The following RFX7 variants were observed in gnomAD, a reference collection of about 807,000 sequenced individuals.
The protein encoded by RFX7 is DNA-binding protein RFX7.
A neutral mutation model predicts 111.8 loss-of-function variants in RFX7; 26 were observed. The observed-to-expected ratio is 0.23, with a 90% CI of 0.17 to 0.32. The LOEUF (loss-of-function observed/expected upper bound fraction) is 0.32, where lower values mean the gene tolerates loss of function less well. Ranked by LOEUF, RFX7 falls within the 10% of genes least tolerant of loss-of-function variation. The pLI is 1.00. For missense variants in RFX7, 1,573 were observed against 1,772.9 expected, an observed-to-expected ratio of 0.89 and a Z score of 2.02; for synonymous variants, 624 against 624.4, an observed-to-expected ratio of 1.00 and a Z score of 0.01.
intron 2 of RFX7, among the ~76,000 whole-genome samples, chr15:56,213,908 C>G (rs1314663619): frequency 6.6e-6 from 1 of 152,136 alleles, no homozygotes; most frequent in Admixed American, 6.5e-5. Flanking sequence ...CTTTTACAAT[C>G]TTTGTCACCT....
chr15:56,209,625 A>G (rs1213286934), intron 2 of RFX7, among the ~76,000 whole-genome samples: 1 of 152,062 alleles, frequency 6.6e-6, no homozygotes, highest in Non-Finnish European at 1.5e-5. Context: ...ACAGACACAT[A>G]TGCTTCTATA....
chr15:56,093,913 T>C lies in RFX7; in HGVS notation c.3815A>G (p.Asn1272Ser). The change falls in exon 10 of 10, where the codon AAC (asparagine) becomes AGC (serine). Residue 1272 changes from asparagine to serine, a missense_variant. Physicochemically the swap from Asn to Ser is conservative, Grantham distance 46. This residue lies in a region of RFX7 where 411 missense variants were observed against 478.1 expected (regional missense o/e 0.86). Coordinates refer to ENST00000559447, the MANE Select transcript of RFX7 (RefSeq NM_022841.7). ...CCGGGCTGTATAATTAGAGGGCAGG[T>C]TGTTCATTCCCAAACCTCTCACTGC... ...DDAVRGLGMN[N>S]LPSNYTARMN... 1 of 1,613,946 alleles carries C rather than the reference T, an allele frequency of 6.2e-7. No homozygotes were observed. Among genetic ancestry groups the C allele is most frequent in the Non-Finnish European group, 8.5e-7 (1 of 1,179,848 alleles).
rs904900761 is a variant in RFX7 at position 56,090,154 on chromosome 15, T to C, written c.*3191A>G. 1.3e-5 allele frequency: 2 copies of C among 152,226 alleles called. No individual in the cohort carries two copies. The highest frequency in any genetic ancestry group is 2.4e-5 in the African/African-American group (1 of 41,464). 9.4% of individuals were successfully genotyped at this position (152,226 alleles called of 1,614,324 possible). ...GTACCTGGAAATGTCTATACTGCTT[T>C]TGAACACAGCTATGCTTAAAATTTT... On this transcript the variant is annotated 3_prime_UTR_variant, in exon 10 of 10. Coordinates refer to ENST00000559447, the MANE Select transcript of RFX7 (RefSeq NM_022841.7).
chr15:56,206,803 C>A (rs1158730222), intron 2 of RFX7, among the ~76,000 whole-genome samples: 1 of 147,402 alleles, frequency 6.8e-6, no homozygotes, highest in East Asian at 2.0e-4. Context: ...ATTAAAACAA[C>A]TGAATTCATG....
At chr15:56,144,313 T>TC in intron 4 of RFX7, 88 bp downstream of exon 4, 2 of 527,628 alleles carry the variant, frequency 3.8e-6, no homozygotes, top group Non-Finnish European at 6.1e-6. Context: ...TTGCAAAAAC[T>TC]CTAACAACCA....
chr15:56,132,278 G>C (rs2042228043), intron 5 of RFX7, among the ~76,000 whole-genome samples: 1 of 151,956 alleles, frequency 6.6e-6, no homozygotes, highest in Admixed American at 6.6e-5. Context: ...AAGGAAACTT[G>C]TGAAAAAGAG....
intron 4 of RFX7, 67 bp from the exon 5 acceptor site, chr15:56,142,967 TA>T: frequency 2.6e-6 from 4 of 1,555,872 alleles, no homozygotes; most frequent in Non-Finnish European, 3.5e-6. Flanking sequence ...GAGCTAGGCC[TA>T]AATGTTCCAC....
chr15:56,112,643 A>C (rs1449441633), intron 5 of RFX7, among the ~76,000 whole-genome samples: 2 of 152,216 alleles, frequency 1.3e-5, no homozygotes, highest in Non-Finnish European at 2.9e-5. Context: ...ACAAAAGCTA[A>C]AACTGACAAC....
intron 2 of RFX7, among the ~76,000 whole-genome samples, chr15:56,225,524 T>C (rs1596021921): frequency 6.6e-6 from 1 of 152,204 alleles, no homozygotes; most frequent in African/African-American, 2.4e-5. Flanking sequence ...TAAATCGTAC[T>C]TCTCTCCAAA....
intron 2 of RFX7, among the ~76,000 whole-genome samples, chr15:56,214,830 T>A (rs569384336): frequency 6.6e-6 from 1 of 152,350 alleles, no homozygotes; most frequent in East Asian, 1.9e-4. Context: ...TTTTATTGTA[T>A]ACAGAAATGC....
At chr15:56,180,611 A>G (rs1339048438) in intron 2 of RFX7, among the ~76,000 whole-genome samples, 1 of 152,060 alleles carries the variant, frequency 6.6e-6, no homozygotes, top group African/African-American at 2.4e-5. Flanking sequence ...CCTTGGTCTA[A>G]ACAGTCATTA....
At chr15:56,101,037 TGTACATATAAAA>T (rs2041744973) in intron 8 of RFX7, among the ~76,000 whole-genome samples, 1 of 152,024 alleles carries the variant, frequency 6.6e-6, no homozygotes, top group South Asian at 2.1e-4. Context: ...TATACATATA[TGTACATATAAAA>T]GTACATATAA....
In RFX7 at chr15:56,096,502, G is replaced by A. The variant is rs377515247; in HGVS notation, c.1226C>T (p.Pro409Leu). ...TQHMQSVKQA[P>L]KTPQNVPASP... ...GGCTGGAACGTTCTGGGGAGTCTTT[G>A]GTGCCTGTTTCACAGACTGCATGTG... is the stretch of plus-strand genomic sequence containing the variant. The change falls in exon 10 of 10, where the codon CCA (proline) becomes CTA (leucine). Residue 409 changes from proline (P) to leucine (L), a missense_variant. Coordinates refer to ENST00000559447, the MANE Select transcript of RFX7 (RefSeq NM_022841.7). The A allele has an allele frequency of 1.2e-4, 199 of 1,604,860 alleles. No homozygotes were observed. The highest frequency in any genetic ancestry group is 1.7e-4 in the Non-Finnish European group (194 of 1,175,588).
intron 5 of RFX7, among the ~76,000 whole-genome samples, chr15:56,116,042 G>A (rs1332807694): frequency 6.6e-6 from 1 of 152,118 alleles, no homozygotes; most frequent in Non-Finnish European, 1.5e-5. Context: ...ATTGAAAGAA[G>A]GGGCCTTGAC....
intron 5 of RFX7, among the ~76,000 whole-genome samples, chr15:56,109,019 T>TTCTCCCTCTCCC (rs142607700): frequency 8.6e-5 from 13 of 150,740 alleles, no homozygotes; most frequent in African/African-American, 3.2e-4. Flanking sequence ...ACTACAAACC[T>TTCTCCCTCTCCC]TCTCCCTCTC....
At chr15:56,167,335 C>T (rs1246194791) in intron 3 of RFX7, among the ~76,000 whole-genome samples, 3 of 152,070 alleles carry the variant, frequency 2.0e-5, no homozygotes, top group Non-Finnish European at 4.4e-5. Context: ...AGTTATTTCT[C>T]TTACATTTTA....
In RFX7 at chr15:56,227,961, T is replaced by C. The variant is rs796669948; in HGVS notation, c.161+15164A>G. ...TTATTTCTCTTTCACTTTTGAAGAATAATTTTGCTGGATACAAAATTCTAG... is the reference window on the plus strand; with the variant it reads ...TTATTTCTCTTTCACTTTTGAAGAACAATTTTGCTGGATACAAAATTCTAG... On this transcript the variant is annotated intron_variant, in intron 2 of 9. Transcript: ENST00000559447. Among the ~76,000 whole-genome samples the C allele has an allele frequency of 2.6e-5, 4 of 152,324 alleles. No individual in the cohort carries two copies. In the South Asian group the frequency reaches 8.3e-4, roughly 32 times the overall value.
At chr15:56,103,457 A>G (rs931681663) in intron 6 of RFX7, 97 bp downstream of exon 6, 7 of 708,512 alleles carry the variant, frequency 9.9e-6, no homozygotes, top group South Asian at 2.3e-5. Flanking sequence ...TTTGAAGTTT[A>G]TTTCTAAATA....
intron 5 of RFX7, among the ~76,000 whole-genome samples, chr15:56,141,147 C>T (rs899985188): frequency 2.0e-5 from 3 of 152,020 alleles, no homozygotes; most frequent in African/African-American, 7.3e-5. Flanking sequence ...TAAAAGAAAC[C>T]TCAGTTTGGG....
Sources: gnomAD v4.1 joint callset for allele counts (sites outside exome capture counted in the v4.1 genomes callset) on GRCh38, gnomAD v4.1.1 for gene constraint, gnomAD v4.1.1 regional missense constraint, MANE v1.5 for transcripts, NCBI Gene and HGNC (gene_info 2026-07-23, HGNC 2026-07-21) for gene names.